FNDC3A: variants seen among roughly 807,000 people sequenced by gnomAD.
FNDC3A encodes fibronectin type III domain containing 3A.
Under a neutral mutation model 148.9 loss-of-function variants are expected in FNDC3A, and 32 were observed. The observed-to-expected ratio is 0.21, with a 90% CI of 0.16 to 0.29. The LOEUF is 0.29. FNDC3A is among the 10% of genes least tolerant of loss of function. FNDC3A has a pLI of 1.00. For synonymous variants in FNDC3A, 472 were observed against 473.6 expected, an observed-to-expected ratio of 1.00 and a Z score of 0.04; for missense variants, 1,191 against 1,452.8, an observed-to-expected ratio of 0.82 and a Z score of 2.93.
intron 2 of FNDC3A, among the ~76,000 whole-genome samples, chr13:49,016,757 C>T (rs1312718100): frequency 2.0e-5 from 3 of 152,034 alleles, no homozygotes; most frequent in Admixed American, 1.3e-4. Flanking sequence ...AAATTTCCCT[C>T]TACACACTGC....
At chr13:49,020,588 A>G (rs1320592145) in intron 2 of FNDC3A, among the ~76,000 whole-genome samples, 2 of 152,222 alleles carry the variant, frequency 1.3e-5, no homozygotes, top group Non-Finnish European at 2.9e-5. Context: ...TGTTGCTGGT[A>G]TCCTGGTGAA....
At chr13:49,176,963 G>T (rs1024960219) in intron 13 of FNDC3A, among the ~76,000 whole-genome samples, 1 of 152,066 alleles carries the variant, frequency 6.6e-6, no homozygotes, top group African/African-American at 2.4e-5. Flanking sequence ...ACCATGCCTG[G>T]CTAATTTTAT....
At chr13:49,129,060 C>G (rs1049126475) in intron 4 of FNDC3A, among the ~76,000 whole-genome samples, 6 of 152,178 alleles carry the variant, frequency 3.9e-5, no homozygotes, top group African/African-American at 1.4e-4. Flanking sequence ...GTTTGTCTGC[C>G]CCTGTTAGTG....
intron 18 of FNDC3A, 32 bp from the exon 19 acceptor site, chr13:49,191,177 T>C (rs1885865712): frequency 1.2e-6 from 2 of 1,604,988 alleles, no homozygotes; most frequent in Admixed American, 3.4e-5. Context: ...GTATTCGTCT[T>C]GTTAAATTGC....
intron 2 of FNDC3A, among the ~76,000 whole-genome samples, chr13:49,053,405 A>G (rs7994910): frequency 0.58 from 87,460 of 152,052 alleles, 26,925 homozygotes; most frequent in Non-Finnish European, 0.68. Context: ...AATTTATTTC[A>G]TTAGGGTTAC....
At chr13:49,105,659 C>T (rs1880128583) in intron 3 of FNDC3A, among the ~76,000 whole-genome samples, 3 of 152,140 alleles carry the variant, frequency 2.0e-5, no homozygotes, top group African/African-American at 7.2e-5. Flanking sequence ...CTGATCATCC[C>T]CAAATACGCT....
chr13:49,068,997 C>T (rs1291254078), intron 2 of FNDC3A, among the ~76,000 whole-genome samples: 2 of 152,006 alleles, frequency 1.3e-5, no homozygotes, highest in African/African-American at 2.4e-5. Context: ...ATACAACAAA[C>T]CCCCGTGACA....
intron 2 of FNDC3A, among the ~76,000 whole-genome samples, chr13:49,054,280 C>T (rs375217082): frequency 6.6e-6 from 1 of 152,114 alleles, no homozygotes; most frequent in South Asian, 2.1e-4. Flanking sequence ...TTTAATAGTT[C>T]ATCTGTAGTA....
chr13:49,166,232 C>T (rs770381324), intron 8 of FNDC3A, among the ~76,000 whole-genome samples: 18 of 152,148 alleles, frequency 1.2e-4, no homozygotes, highest in Non-Finnish European at 2.1e-4. Context: ...CTGCAGCAGC[C>T]CACAGCTGCA....
At chr13:48,995,445 A>G (rs937376150) in intron 1 of FNDC3A, among the ~76,000 whole-genome samples, 3 of 152,164 alleles carry the variant, frequency 2.0e-5, no homozygotes, top group African/African-American at 7.2e-5. Context: ...GCAAGGAACT[A>G]GATTAAGCAT....
At chr13:49,135,106 C>T (rs1051735148) in intron 5 of FNDC3A, among the ~76,000 whole-genome samples, 2 of 151,970 alleles carry the variant, frequency 1.3e-5, no homozygotes, top group East Asian at 3.9e-4. Flanking sequence ...CCACCTGCCT[C>T]ACCCTCCCAA....
At chr13:49,134,732 T>A (rs1334822652) in intron 5 of FNDC3A, among the ~76,000 whole-genome samples, 6 of 151,556 alleles carry the variant, frequency 4.0e-5, no homozygotes, top group Non-Finnish European at 8.8e-5. Flanking sequence ...TTTGATTTGC[T>A]TTTCCCTAAT....
At chr13:49,121,072 T>C (rs1004870134) in intron 4 of FNDC3A, among the ~76,000 whole-genome samples, 1 of 152,116 alleles carries the variant, frequency 6.6e-6, no homozygotes, top group African/African-American at 2.4e-5. Context: ...ACGCTTATTC[T>C]AAAACTCACC....
At chr13:48,984,172 GA>G (rs1156575516) in intron 1 of FNDC3A, among the ~76,000 whole-genome samples, 5 of 152,230 alleles carry the variant, frequency 3.3e-5, no homozygotes, top group African/African-American at 1.2e-4. Context: ...GCTATGTGAA[GA>G]AAACTGCAAA....
intron 3 of FNDC3A, 55 bp from the exon 4 acceptor site, chr13:49,114,600 A>G: frequency 4.2e-6 from 5 of 1,192,710 alleles, no homozygotes; most frequent in Non-Finnish European, 6.3e-6. Flanking sequence ...ATTGTTTTCA[A>G]CTTTAGCCTG....
At chr13:49,027,112 A>C (rs1039949752) in intron 2 of FNDC3A, among the ~76,000 whole-genome samples, 1 of 152,190 alleles carries the variant, frequency 6.6e-6, no homozygotes, top group African/African-American at 2.4e-5. Context: ...ACATTTTTAC[A>C]GATGGACAAA....
At chr13:49,077,231 C>A (rs1203141439) in intron 3 of FNDC3A, among the ~76,000 whole-genome samples, 2 of 152,204 alleles carry the variant, frequency 1.3e-5, no homozygotes, top group Admixed American at 6.5e-5. Context: ...TATGGTCATA[C>A]CAGTGCACTC....
chr13:49,079,751 A>C (rs1878349887), intron 3 of FNDC3A, among the ~76,000 whole-genome samples: 1 of 151,798 alleles, frequency 6.6e-6, no homozygotes, highest in Non-Finnish European at 1.5e-5. Context: ...CCCTATAAAA[A>C]GGAAAAAAAA....
rs776036293 is a variant in FNDC3A, at chr13:49,082,112, C to A, written c.175+6748C>A. ...CAAAAACAGTAGGATAGGCCCAGCACGGTGGCTCACGCCTGTAATCCCAGC... is the reference window on the plus strand; with the variant it reads ...CAAAAACAGTAGGATAGGCCCAGCAAGGTGGCTCACGCCTGTAATCCCAGC... On this transcript the variant is annotated intron_variant, in intron 3 of 25. Transcript: ENST00000492622. Among the ~76,000 whole-genome samples the A allele has an allele frequency of 2.6e-5, 4 of 152,062 alleles. No homozygotes were observed. The East Asian group carries it at 7.7e-4, about 29-fold the overall frequency.
Sources: gnomAD v4.1 joint callset for allele counts (sites outside exome capture counted in the v4.1 genomes callset) on GRCh38, gnomAD v4.1.1 for gene constraint, MANE v1.5 for transcripts, NCBI Gene and HGNC (gene_info 2026-07-23, HGNC 2026-07-21) for gene names.